Variants in RBP7 observed in about 807,000 individuals in gnomAD.
RBP7 encodes retinol binding protein 7, also known as retinoid-binding protein 7.
Under a neutral mutation model 16.7 loss-of-function variants are expected in RBP7, and 13 were observed. The observed-to-expected ratio is 0.78, with a 90% CI of 0.51 to 1.24. The LOEUF (loss-of-function observed/expected upper bound fraction) is 1.24, where lower values mean the gene tolerates loss of function less well. RBP7 is among the 50% of genes most tolerant of loss of function. RBP7 has a pLI of 0.00. For missense variants in RBP7, 145 were observed against 159.5 expected, an observed-to-expected ratio of 0.91 and a Z score of 0.49; for synonymous variants, 54 against 56.2, an observed-to-expected ratio of 0.96 and a Z score of 0.17.
chr1:10,009,404 A>G (rs867074024), intron 3 of RBP7, among the ~76,000 whole-genome samples: 1 of 151,970 alleles, frequency 6.6e-6, no homozygotes, highest in Non-Finnish European at 1.5e-5. Flanking sequence ...GGCCGTTTCA[A>G]AAAAAAATAA....
At chr1:10,008,694 C>G (rs1333613149) in intron 3 of RBP7, among the ~76,000 whole-genome samples, 1 of 151,810 alleles carries the variant, frequency 6.6e-6, no homozygotes, top group East Asian at 2.0e-4. Flanking sequence ...CCGCCTCGGC[C>G]TCCCAAAGTG....
At chr1:9,998,490 C>G (rs985589657) in intron 1 of RBP7, among the ~76,000 whole-genome samples, 1 of 147,412 alleles carries the variant, frequency 6.8e-6, no homozygotes, top group African/African-American at 2.5e-5. Flanking sequence ...TCACTGCAAG[C>G]TCCGCCTACC....
intron 1 of RBP7, among the ~76,000 whole-genome samples, chr1:10,003,187 G>A (rs977157636): frequency 6.6e-6 from 1 of 152,166 alleles, no homozygotes; most frequent in African/African-American, 2.4e-5. Flanking sequence ...AGCACTTTGG[G>A]AGGCTGAGGT....
intron 1 of RBP7, 129 bp from the exon 2 acceptor site, chr1:10,007,441 C>T: frequency 2.8e-6 from 2 of 722,722 alleles, no homozygotes; most frequent in Non-Finnish European, 2.2e-6. Flanking sequence ...CTGATTTTGG[C>T]AGCAAACAAC....
intron 3 of RBP7, among the ~76,000 whole-genome samples, chr1:10,009,905 C>T (rs1642568879): frequency 6.6e-6 from 1 of 151,910 alleles, no homozygotes; most frequent in Non-Finnish European, 1.5e-5. Flanking sequence ...TACTTTTAAG[C>T]TGTTGGACTT....
At chr1:10,009,737 G>T (rs1235840259) in intron 3 of RBP7, among the ~76,000 whole-genome samples, 12 of 130,858 alleles carry the variant, frequency 9.2e-5, no homozygotes, top group Non-Finnish European at 3.2e-5. Flanking sequence ...TTACCATATT[G>T]GCCAGGCTGG....
Position 10,015,938 on chromosome 1 carries a change from C to A in RBP7, c.*106C>A. On this transcript the variant is annotated 3_prime_UTR_variant, in exon 4 of 4. Coordinates refer to ENST00000294435, the MANE Select transcript of RBP7 (RefSeq NM_052960.3). ...CCCATTTGGCGACGAGGACTCGTGG[C>A]TGGAGAGAGCCACACAGCGTGTAAC... The A allele has an allele frequency of 1.0e-6, 1 of 1,002,564 alleles. No homozygotes were observed. The allele number at this position is 1,002,564 out of a possible 1,614,324, so 62.1% of individuals were successfully genotyped here. A position where few individuals can be genotyped will look rare whatever the true frequency, so the allele number is the denominator to read the frequency against.
chr1:10,008,146 C>T, intron 2 of RBP7, 27 bp from the exon 3 acceptor site: 3 of 1,441,534 alleles, frequency 2.1e-6, no homozygotes, highest in Non-Finnish European at 2.9e-6. Context: ...CCAGGACAAG[C>T]TAACATTTTC....
intron 1 of RBP7, among the ~76,000 whole-genome samples, chr1:10,005,924 T>C (rs1379599757): frequency 3.3e-5 from 5 of 152,126 alleles, no homozygotes; most frequent in African/African-American, 1.2e-4. Context: ...CTGCGGCAGA[T>C]ACACTAGGCT....
chr1:10,015,680 G>A, intron 3 of RBP7, 102 bp from the exon 4 acceptor site: 1 of 1,022,472 alleles, frequency 9.8e-7, no homozygotes, highest in Non-Finnish European at 1.5e-6. Flanking sequence ...AAAAAAACAT[G>A]TTCCAGAAAA....
At chr1:9,998,998 T>C (rs1642221957) in intron 1 of RBP7, among the ~76,000 whole-genome samples, 1 of 152,142 alleles carries the variant, frequency 6.6e-6, no homozygotes, top group Non-Finnish European at 1.5e-5. Flanking sequence ...GAGTTGTAGT[T>C]CCCATAATTC....
At position 9,997,797 on chromosome 1, in the gene RBP7, C is replaced by T. The variant is rs1642200150; in HGVS notation, c.73+466C>T. ...TCCCCGCAGCCGCCTTCCGTGCAGG[C>T]CCCGGGGCCCCGGGCGCGCTCCCGC... On this transcript the variant is annotated intron_variant, in intron 1 of 3. Transcript: ENST00000294435. This position sits in a 1 kb window ranked among gnomAD's most constrained non-coding sequence, Gnocchi z 5.9. Among the ~76,000 whole-genome samples the T allele has an allele frequency of 1.3e-5, 2 of 152,114 alleles. No individual in the cohort carries two copies. Among genetic ancestry groups the T allele is most frequent in the South Asian group, 4.1e-4 (2 of 4,826 alleles).
intron 3 of RBP7, among the ~76,000 whole-genome samples, chr1:10,013,596 G>C (rs144916750): frequency 1.3e-5 from 2 of 151,958 alleles, no homozygotes; most frequent in African/African-American, 4.8e-5. Context: ...ATCATCTGAC[G>C]TTAGGAGTTG....
At chr1:10,015,476 G>T (rs1642750139) in intron 3 of RBP7, among the ~76,000 whole-genome samples, 1 of 149,108 alleles carries the variant, frequency 6.7e-6, no homozygotes. Flanking sequence ...GACCAGCCTA[G>T]GCAGTGGCAA....
intron 1 of RBP7, 46 bp from the exon 2 acceptor site, chr1:10,007,524 T>G: frequency 2.2e-6 from 3 of 1,368,780 alleles, no homozygotes; most frequent in Non-Finnish European, 3.0e-6. Context: ...TCTTCACTTT[T>G]GTATCTCAAG....
In RBP7 at chr1:10,007,575, G is replaced by C. The variant is rs752584981; in HGVS notation, c.79G>C (p.Asp27His). The change falls in exon 2 of 4, where the codon GAC (aspartate) becomes CAC (histidine). Residue 27 changes from aspartate to histidine, a missense_variant. By Grantham distance (81) the Asp-to-His change is moderately conservative. Transcript: ENST00000294435. ...FEGYMLALGIDFATRKIAKLL... is the reference protein window; with the variant it reads ...FEGYMLALGIHFATRKIAKLL... Reference sequence around the variant, plus strand: ...TTTTAAAAATTATTTTTAAGGTATTGACTTTGCCACTCGTAAAATAGCCAA... The same window carrying C: ...TTTTAAAAATTATTTTTAAGGTATTCACTTTGCCACTCGTAAAATAGCCAA... 1 of 1,601,704 alleles carries C rather than the reference G, an allele frequency of 6.2e-7. No individual in the cohort carries two copies. Among genetic ancestry groups the C allele is most frequent in the Non-Finnish European group, 8.5e-7 (1 of 1,174,710 alleles).
intron 1 of RBP7, among the ~76,000 whole-genome samples, chr1:10,005,334 G>A (rs1642410533): frequency 6.7e-6 from 1 of 150,164 alleles, no homozygotes; most frequent in Non-Finnish European, 1.5e-5. Flanking sequence ...GCCTCAGCCC[G>A]ACCCAGGTGT....
chr1:10,004,677 G>A (rs1440185244), intron 1 of RBP7, among the ~76,000 whole-genome samples: 1 of 152,210 alleles, frequency 6.6e-6, no homozygotes, highest in Non-Finnish European at 1.5e-5. Flanking sequence ...GATTTTAAAA[G>A]CGTAACTCTA....
rs1487651162 is a variant in RBP7 at position 10,008,375 on chromosome 1, C to T, written c.354+101C>T. On this transcript the variant is annotated intron_variant, in intron 3 of 3. Transcript: ENST00000294435. ...CCTGTAATCCCAGCATTTTAGGAGG[C>T]CGAGGTGGGTGTATCACTTGAGGTC... 7.2e-6 allele frequency: 5 copies of T among 694,748 alleles called. No individual in the cohort carries two copies. The East Asian group carries it at 1.4e-4, about 19-fold the overall frequency. 43.0% of individuals were successfully genotyped at this position (694,748 alleles called of 1,614,324 possible). A position where few individuals can be genotyped will look rare whatever the true frequency, so the allele number is the denominator to read the frequency against.
Sources: allele counts gnomAD v4.1 joint callset (sites outside exome capture counted in the v4.1 genomes callset), GRCh38; gene constraint gnomAD v4.1.1; non-coding constraint Gnocchi (gnomAD v3.1); transcripts MANE v1.5; gene names NCBI Gene and HGNC (gene_info 2026-07-23, HGNC 2026-07-21).